The following CSMD1 variants were observed in gnomAD, a reference collection of about 807,000 sequenced individuals.
The protein encoded by CSMD1 is CUB and Sushi multiple domains 1, also known as CUB and sushi domain-containing protein 1.
In CSMD1, 213 loss-of-function variants were observed where a neutral mutation model predicts 417.5. The ratio of observed to expected loss-of-function variants is 0.51; its 90% CI spans 0.46 to 0.57. The LOEUF (loss-of-function observed/expected upper bound fraction) is 0.57, where lower values mean the gene tolerates loss of function less well. Among genes scored for constraint, CSMD1 ranks in the 20% least tolerant of loss-of-function variants. The pLI is 0.00. For synonymous variants in CSMD1, 2,862 were observed against 1,736.8 expected, an observed-to-expected ratio of 1.65 and a Z score of -16.11; for missense variants, 6,923 against 4,529.7, an observed-to-expected ratio of 1.53 and a Z score of -15.17.
chr8:3,581,552 G>C (rs147356760), intron 9 of CSMD1, among the ~76,000 whole-genome samples: 43 of 152,290 alleles, frequency 2.8e-4, no homozygotes, highest in South Asian at 8.3e-4. Context: ...CTGCTCCAGA[G>C]AAGGCATGAT....
chr8:3,200,801 A>G (rs1054014412), intron 32 of CSMD1, among the ~76,000 whole-genome samples: 5 of 152,100 alleles, frequency 3.3e-5, no homozygotes, highest in Non-Finnish European at 7.4e-5. Context: ...TTTAGTTAAT[A>G]ATAAAATAGA....
intron 2 of CSMD1, among the ~76,000 whole-genome samples, chr8:4,433,794 CCT>C (rs1247850838): frequency 6.6e-6 from 1 of 152,014 alleles, no homozygotes; most frequent in South Asian, 2.1e-4. Flanking sequence ...TGTCTATTTA[CCT>C]CTGTCCTTTG....
At chr8:4,790,639 G>C (rs1343895265) in intron 1 of CSMD1, among the ~76,000 whole-genome samples, 2 of 151,978 alleles carry the variant, frequency 1.3e-5, no homozygotes, top group Non-Finnish European at 2.9e-5. Context: ...CAGACACATA[G>C]ACCAATGCAA....
At chr8:4,448,686 G>A (rs558497108) in intron 2 of CSMD1, among the ~76,000 whole-genome samples, 5 of 152,258 alleles carry the variant, frequency 3.3e-5, no homozygotes, top group African/African-American at 4.8e-5. Context: ...AGTAGGAAAG[G>A]TCATATATCT....
chr8:4,345,036 C>G (rs1563076738), intron 3 of CSMD1, among the ~76,000 whole-genome samples: 2 of 152,074 alleles, frequency 1.3e-5, no homozygotes, highest in Non-Finnish European at 2.9e-5. Flanking sequence ...ACCATAACAT[C>G]AAGCTCAGAA....
intron 9 of CSMD1, among the ~76,000 whole-genome samples, chr8:3,580,129 G>T (rs1367113482): frequency 1.3e-5 from 2 of 151,872 alleles, no homozygotes; most frequent in Admixed American, 1.3e-4. Flanking sequence ...TAAAAAGAAA[G>T]AAAAAAAGTA....
In CSMD1 at chr8:3,206,614, ATGTGTGTGTGGGGTTATGTCTG is replaced by A. The variant is rs1182263184; in HGVS notation, c.4868-1016_4868-995del. Among the ~76,000 whole-genome samples, 115 of 94,248 alleles carry A rather than the reference ATGTGTGTGTGGGGTTATGTCTG, an allele frequency of 1.2e-3. 1 individual carries two copies. Among genetic ancestry groups the A allele is most frequent in the African/African-American group, 4.9e-3 (113 of 23,298 alleles). The allele number at this position is 94,248 out of a possible 152,430, so 61.8% of individuals were successfully genotyped here. On this transcript the variant is annotated intron_variant, in intron 30 of 69. Transcript: ENST00000635120. ...GGGGCGTATGTCTGTATGTGTGTGT[ATGTGTGTGTGGGGTTATGTCTG>A]TGTGTGTGTGGGTGTATGTGTGTGG...
chr8:3,265,318 G>A (rs1801355985), intron 26 of CSMD1, among the ~76,000 whole-genome samples: 4 of 152,304 alleles, frequency 2.6e-5, no homozygotes, highest in East Asian at 1.9e-4. Context: ...AAATCAGTGC[G>A]AAGTATGTAT....
intron 46 of CSMD1, among the ~76,000 whole-genome samples, chr8:3,102,872 C>G (rs1468915976): frequency 6.6e-6 from 1 of 152,096 alleles, no homozygotes; most frequent in South Asian, 2.1e-4. Flanking sequence ...GACAAGATAA[C>G]AAAAGAATTC....
chr8:3,646,702 T>C (rs1797590884), intron 7 of CSMD1, among the ~76,000 whole-genome samples: 1 of 152,156 alleles, frequency 6.6e-6, no homozygotes, highest in African/African-American at 2.4e-5. Context: ...GCCCTCCTTC[T>C]AAACAGCGCT....
chr8:3,658,866 G>C (rs531406590), intron 7 of CSMD1, among the ~76,000 whole-genome samples: 1 of 152,146 alleles, frequency 6.6e-6, no homozygotes, highest in African/African-American at 2.4e-5. Context: ...CCTAATTCCA[G>C]GGGATGTTTC....
intron 5 of CSMD1, among the ~76,000 whole-genome samples, chr8:3,889,777 G>C (rs961469591): frequency 2.6e-5 from 4 of 151,886 alleles, no homozygotes; most frequent in Non-Finnish European, 4.4e-5. Flanking sequence ...AAGACATAGA[G>C]AATTATATAG....
intron 1 of CSMD1, among the ~76,000 whole-genome samples, chr8:4,852,102 T>C (rs979664393): frequency 3.3e-5 from 5 of 152,354 alleles, no homozygotes; most frequent in East Asian, 1.9e-4. Context: ...ATCTTTTACT[T>C]GTGAAACTGC....
intron 7 of CSMD1, among the ~76,000 whole-genome samples, chr8:3,705,449 T>G (rs879499687): frequency 2.0e-5 from 3 of 152,142 alleles, no homozygotes; most frequent in Non-Finnish European, 4.4e-5. Flanking sequence ...GATGAAAACT[T>G]CTTAACGGGG....
intron 3 of CSMD1, among the ~76,000 whole-genome samples, chr8:4,286,734 C>A (rs78630872): frequency 3.6e-4 from 55 of 152,248 alleles, no homozygotes; most frequent in African/African-American, 1.3e-3. Flanking sequence ...GTAGACTCCC[C>A]AGCATCTGAT....
chr8:4,138,749 C>G (rs951172910), intron 3 of CSMD1, among the ~76,000 whole-genome samples: 2 of 152,066 alleles, frequency 1.3e-5, no homozygotes, highest in East Asian at 3.8e-4. Flanking sequence ...AAATACTAAA[C>G]CAACTAGTTA....
At chr8:3,945,178 C>CAAA (rs138900503) in intron 5 of CSMD1, among the ~76,000 whole-genome samples, 34 of 118,918 alleles carry the variant, frequency 2.9e-4, no homozygotes, top group Middle Eastern at 4.5e-3. Flanking sequence ...ATGAGAAAGA[C>CAAA]AAAAAAAAAA....
chr8:3,675,112 G>C (rs1563260820), intron 7 of CSMD1, among the ~76,000 whole-genome samples: 1 of 152,120 alleles, frequency 6.6e-6, no homozygotes, highest in Non-Finnish European at 1.5e-5. Flanking sequence ...AGATGCAGTG[G>C]CCTCCCCTCA....
At chr8:4,300,446 G>A (rs774387965) in intron 3 of CSMD1, among the ~76,000 whole-genome samples, 33 of 152,172 alleles carry the variant, frequency 2.2e-4, no homozygotes, top group Admixed American at 2.6e-4. Flanking sequence ...CATCCCTAAA[G>A]AACTGAGTGT....
Sources: allele counts gnomAD v4.1 joint callset (sites outside exome capture counted in the v4.1 genomes callset), GRCh38; gene constraint gnomAD v4.1.1; transcripts MANE v1.5; gene names NCBI Gene and HGNC (gene_info 2026-07-23, HGNC 2026-07-21).